Variants in PDE8B observed in about 807,000 individuals in gnomAD.
PDE8B encodes the protein phosphodiesterase 8B, also known as high affinity cAMP-specific and IBMX-insensitive 3',5'-cyclic phosphodiesterase 8B.
Under a neutral mutation model 101.3 loss-of-function variants are expected in PDE8B, and 26 were observed. The ratio of observed to expected loss-of-function variants is 0.26; its 90% CI spans 0.19 to 0.36. The LOEUF (loss-of-function observed/expected upper bound fraction) is 0.36, where lower values mean the gene tolerates loss of function less well. PDE8B is among the 10% of genes least tolerant of loss of function. The pLI is 1.00. For synonymous variants in PDE8B, 424 were observed against 429.3 expected, an observed-to-expected ratio of 0.99 and a Z score of 0.15; for missense variants, 810 against 1,163.1, an observed-to-expected ratio of 0.70 and a Z score of 4.42.
In PDE8B at chr5:77,426,859, A is replaced by C. The variant is rs914591123; in HGVS notation, c.*305A>C. On this transcript the variant is annotated 3_prime_UTR_variant, in exon 22 of 22. Coordinates refer to ENST00000264917, the MANE Select transcript of PDE8B (RefSeq NM_003719.5). ...GCTGGTTCACTGTAACTAGCAGGCC[A>C]CAGGAAGCAAAGCCTTGGTGCCTGT... 9 of 369,134 alleles carry C rather than the reference A, an allele frequency of 2.4e-5. No homozygotes were observed. The highest frequency in any genetic ancestry group is 8.4e-5 in the African/African-American group (4 of 47,618). The allele number at this position is 369,134 out of a possible 1,614,324, so 22.9% of individuals were successfully genotyped here. A position where few individuals can be genotyped will look rare whatever the true frequency, so the allele number is the denominator to read the frequency against.
At chr5:77,344,962 A>G in intron 7 of PDE8B, 31 bp downstream of exon 7, 1 of 1,422,502 alleles carries the variant, frequency 7.0e-7, no homozygotes, top group Non-Finnish European at 1.0e-6. Context: ...TATCATTAAC[A>G]TTCAAAATGA....
chr5:77,255,785 C>T (rs1409509104), intron 1 of PDE8B, among the ~76,000 whole-genome samples: 1 of 152,236 alleles, frequency 6.6e-6, no homozygotes, highest in African/African-American at 2.4e-5. Flanking sequence ...TACATTCAGC[C>T]AGCAACTCAG....
intron 10 of PDE8B, among the ~76,000 whole-genome samples, chr5:77,361,691 T>C (rs1470996079): frequency 1.3e-5 from 2 of 152,074 alleles, no homozygotes; most frequent in Non-Finnish European, 2.9e-5. Flanking sequence ...ATTTTTTGTA[T>C]TTTTAGTAGA....
chr5:77,255,532 A>G (rs572561747), intron 1 of PDE8B, among the ~76,000 whole-genome samples: 6 of 152,322 alleles, frequency 3.9e-5, no homozygotes, highest in African/African-American at 1.4e-4. Context: ...TGGCTCACAC[A>G]TGAGCCTGCC....
the PDE8B span, chr5:77,089,252 A>C: frequency 3.3e-5 from 5 of 152,316 alleles, no homozygotes; most frequent in Non-Finnish European, 5.9e-5. Flanking sequence ...TAGGAGCACA[A>C]TTGTGAACTG....
At position 77,395,531 on chromosome 5, in the gene PDE8B, CTT is replaced by C. The variant is rs140431051; in HGVS notation, c.1168-4714_1168-4713del. On this transcript the variant is annotated intron_variant, in intron 10 of 21. Transcript: ENST00000264917. ...TTTAAAAATTTACCTTTTAAAATAA[CTT>C]TTAAAATTTTCACCTCGCTAGGATA... is the stretch of plus-strand genomic sequence containing the variant. Among the ~76,000 whole-genome samples, 1,235 of 151,518 alleles carry C rather than the reference CTT, an allele frequency of 8.2e-3. 20 individuals are homozygous for C. The highest frequency in any genetic ancestry group is 0.028 in the African/African-American group (1,170 of 41,194).
chr5:77,223,151 C>A (rs749203304), intron 1 of PDE8B, among the ~76,000 whole-genome samples: 2 of 152,096 alleles, frequency 1.3e-5, no homozygotes, highest in Admixed American at 6.6e-5. Flanking sequence ...TACATGTTCA[C>A]TTAACCAGTA....
chr5:77,164,309 G>A, the PDE8B span, among the ~76,000 whole-genome samples: 23,942 of 152,144 alleles, frequency 0.16, 3,047 homozygotes, highest in East Asian at 0.74. Context: ...ATAGTAATGT[G>A]TGTGTTGTAC....
chr5:77,424,359 A>C (rs1797434123), intron 20 of PDE8B, among the ~76,000 whole-genome samples: 1 of 152,248 alleles, frequency 6.6e-6, no homozygotes, highest in South Asian at 2.1e-4. Context: ...TAATGTTCAT[A>C]AGCCAGGGTG....
chr5:77,135,863 C>T, the PDE8B span, among the ~76,000 whole-genome samples: 1 of 152,000 alleles, frequency 6.6e-6, no homozygotes, highest in Non-Finnish European at 1.5e-5. Flanking sequence ...CCCTCACCCA[C>T]ACCTCAGCTG....
At chr5:77,116,357 G>A in the PDE8B span, among the ~76,000 whole-genome samples, 6 of 150,088 alleles carry the variant, frequency 4.0e-5, no homozygotes, top group South Asian at 4.2e-4. Context: ...TCAGCCTCCC[G>A]AGTAGCTGGA....
intron 1 of PDE8B, among the ~76,000 whole-genome samples, chr5:77,267,068 G>A (rs936560307): frequency 6.6e-6 from 1 of 152,060 alleles, no homozygotes; most frequent in Non-Finnish European, 1.5e-5. Context: ...GCATTTCCCT[G>A]TGTTAAGGCT....
chr5:77,287,408 C>T (rs564896166), intron 1 of PDE8B, among the ~76,000 whole-genome samples: 100 of 151,886 alleles, frequency 6.6e-4, no homozygotes, highest in African/African-American at 2.3e-3. Flanking sequence ...TTTACCAGTT[C>T]TTCTTTAATG....
the PDE8B span, among the ~76,000 whole-genome samples, chr5:77,156,088 T>C: frequency 6.6e-6 from 1 of 152,212 alleles, no homozygotes; most frequent in Non-Finnish European, 1.5e-5. Flanking sequence ...TAATTATATT[T>C]TGCTTAAGCT....
intron 1 of PDE8B, among the ~76,000 whole-genome samples, chr5:77,282,709 C>G (rs986588133): frequency 6.6e-6 from 1 of 151,912 alleles, no homozygotes. Flanking sequence ...CTTCCGACAG[C>G]GAATTTGAGC....
chr5:77,184,935 A>G, the PDE8B span, among the ~76,000 whole-genome samples: 13 of 152,350 alleles, frequency 8.5e-5, no homozygotes, highest in African/African-American at 2.9e-4. Flanking sequence ...CCTGCTCCAC[A>G]GAGGCACTCA....
chr5:77,216,673 C>T (rs1207863481), intron 1 of PDE8B, among the ~76,000 whole-genome samples: 1 of 152,160 alleles, frequency 6.6e-6, no homozygotes, highest in Non-Finnish European at 1.5e-5. Flanking sequence ...GAAACCAAAC[C>T]TGTAAGTCAG....
chr5:77,125,248 C>T, the PDE8B span, among the ~76,000 whole-genome samples: 19 of 152,296 alleles, frequency 1.2e-4, no homozygotes, highest in East Asian at 2.1e-3. Context: ...ATGATTCCCC[C>T]GCCTTGGCCT....
intron 14 of PDE8B, 29 bp from the exon 15 acceptor site, chr5:77,411,647 G>T: frequency 6.3e-7 from 1 of 1,576,332 alleles, no homozygotes; most frequent in Non-Finnish European, 8.7e-7. Flanking sequence ...TATAAAGCAT[G>T]CTTCTAACAG....
Sources: gnomAD v4.1 joint callset for allele counts (sites outside exome capture counted in the v4.1 genomes callset) on GRCh38, gnomAD v4.1.1 for gene constraint, MANE v1.5 for transcripts, NCBI Gene and HGNC (gene_info 2026-07-23, HGNC 2026-07-21) for gene names.